Variants in STAG1 observed in about 807,000 individuals in gnomAD.
The protein encoded by STAG1 is STAG1 cohesin complex component.
Under a neutral mutation model 170.9 loss-of-function variants are expected in STAG1, and 26 were observed. That is an observed-to-expected ratio of 0.15 (90% confidence interval 0.11 to 0.21). The LOEUF (loss-of-function observed/expected upper bound fraction) is 0.21. Ranked by LOEUF, STAG1 falls within the 10% of genes least tolerant of loss-of-function variation. The pLI is 1.00. For missense variants in STAG1, 964 were observed against 1,509.5 expected, an observed-to-expected ratio of 0.64 and a Z score of 5.99; for synonymous variants, 514 against 497.7, an observed-to-expected ratio of 1.03 and a Z score of -0.44.
At chr3:136,469,784 G>T (rs2089574002) in intron 12 of STAG1, among the ~76,000 whole-genome samples, 1 of 151,950 alleles carries the variant, frequency 6.6e-6, no homozygotes. Flanking sequence ...TACCAAAACA[G>T]AGATATAGAC....
Position 136,344,682 on chromosome 3 carries a change from C to T in STAG1, c.3272-676G>A, listed in dbSNP as rs556955790. ...GGGCTGGAGTGCAGTGGCGTGATCT[C>T]GGCTCACTGCAACCTCCGCCTCCCA... On this transcript the variant is annotated intron_variant, in intron 29 of 33. Coordinates refer to ENST00000383202, the MANE Select transcript of STAG1 (RefSeq NM_005862.3). 9.9e-5 allele frequency among the ~76,000 whole-genome samples: 15 copies of T among 152,014 alleles called. No individual in the cohort carries two copies. The East Asian group carries it at 2.7e-3, about 28-fold the overall frequency.
chr3:136,548,463 T>C (rs1018274764), intron 5 of STAG1, among the ~76,000 whole-genome samples: 2 of 152,160 alleles, frequency 1.3e-5, no homozygotes, highest in Admixed American at 1.3e-4. Context: ...TTTGGAAGTG[T>C]GGTGCTTCCA....
intron 6 of STAG1, among the ~76,000 whole-genome samples, chr3:136,528,497 C>CT (rs1366684648): frequency 4.5e-5 from 5 of 110,428 alleles, no homozygotes; most frequent in Non-Finnish European, 7.6e-5. Flanking sequence ...TCCCCGCACC[C>CT]CCCCCCCCAA....
rs1345356717 is a variant in STAG1, at chr3:136,752,300, G to C, written c.-189C>G. On this transcript the variant is annotated 5_prime_UTR_variant, in exon 1 of 34. Coordinates refer to ENST00000383202, the MANE Select transcript of STAG1 (RefSeq NM_005862.3). ...GGGGTTGTTACGGGGTGGTCGCCGG[G>C]GGTTCGGGAGCGGGGGCCGCGCCTT... 6.5e-6 allele frequency: 1 copy of C among 152,834 alleles called. No individual in the cohort carries two copies. The highest frequency in any genetic ancestry group is 2.4e-5 in the African/African-American group (1 of 41,544). The allele number at this position is 152,834 out of a possible 1,614,324, so 9.5% of individuals were successfully genotyped here.
chr3:136,624,107 CT>C lies in STAG1; in HGVS notation c.30-860del, dbSNP rs113818295. Among the ~76,000 whole-genome samples, 127 of 146,384 alleles carry C rather than the reference CT, an allele frequency of 8.7e-4. 4 individuals carry two copies. Among genetic ancestry groups the C allele is most frequent in the Middle Eastern group, 3.5e-3 (1 of 282 alleles). ...TTTTGCCCAACTCTTATATTGGAATCTTTTTTTTTTTGAGACAGTCTCACTC... is the reference window on the plus strand; with the variant it reads ...TTTTGCCCAACTCTTATATTGGAATCTTTTTTTTTTGAGACAGTCTCACTC... On this transcript the variant is annotated intron_variant, in intron 2 of 33. Coordinates refer to ENST00000383202, the MANE Select transcript of STAG1 (RefSeq NM_005862.3).
chr3:136,386,016 C>A (rs780082611), intron 22 of STAG1, among the ~76,000 whole-genome samples: 4 of 152,166 alleles, frequency 2.6e-5, no homozygotes, highest in Non-Finnish European at 5.9e-5. Context: ...AGAGAAACCT[C>A]TTTCAACAAA....
chr3:136,732,552 G>A (rs1299615634), intron 1 of STAG1, among the ~76,000 whole-genome samples: 2 of 152,134 alleles, frequency 1.3e-5, no homozygotes, highest in Non-Finnish European at 2.9e-5. Context: ...AGAACACGCT[G>A]GTGATAACCT....
chr3:136,623,381 G>A (rs1348370062), intron 2 of STAG1, 133 bp from the exon 3 acceptor site: 7 of 638,180 alleles, frequency 1.1e-5, no homozygotes, highest in Non-Finnish European at 1.8e-5. Context: ...AAACTCTCTA[G>A]CAAACTAAAA....
At chr3:136,360,038 C>A (rs1936800866) in intron 26 of STAG1, among the ~76,000 whole-genome samples, 1 of 152,056 alleles carries the variant, frequency 6.6e-6, no homozygotes, top group Admixed American at 6.6e-5. Flanking sequence ...ACAAAATATA[C>A]CAAAAAGTTC....
At chr3:136,397,945 T>C (rs2108339603) in intron 22 of STAG1, among the ~76,000 whole-genome samples, 1 of 152,166 alleles carries the variant, frequency 6.6e-6, no homozygotes, top group East Asian at 1.9e-4. Flanking sequence ...TATCTTTCAA[T>C]GATGTTATTC....
At chr3:136,632,951 C>T (rs1398090801) in intron 1 of STAG1, among the ~76,000 whole-genome samples, 1 of 151,968 alleles carries the variant, frequency 6.6e-6, no homozygotes, top group Non-Finnish European at 1.5e-5. Flanking sequence ...GGTTTGACCA[C>T]CAAGATGAAA....
At chr3:136,365,730 T>C (rs1044435225) in intron 25 of STAG1, among the ~76,000 whole-genome samples, 1 of 152,066 alleles carries the variant, frequency 6.6e-6, no homozygotes, top group Admixed American at 6.6e-5. Context: ...GGAAAGTAAA[T>C]GGTCACTGGA....
At chr3:136,453,331 C>T (rs1286865731) in intron 13 of STAG1, among the ~76,000 whole-genome samples, 1 of 152,082 alleles carries the variant, frequency 6.6e-6, no homozygotes. Flanking sequence ...GTGGCTCACG[C>T]CTATAATCCC....
intron 4 of STAG1, among the ~76,000 whole-genome samples, chr3:136,577,069 C>T (rs1937490782): frequency 6.6e-6 from 1 of 152,128 alleles, no homozygotes; most frequent in African/African-American, 2.4e-5. Flanking sequence ...TGATAAAGTA[C>T]CAATTCAAGC....
chr3:136,686,218 G>A (rs1488551308), intron 1 of STAG1, among the ~76,000 whole-genome samples: 2 of 152,170 alleles, frequency 1.3e-5, no homozygotes, highest in African/African-American at 4.8e-5. Context: ...AATTAGTTGG[G>A]TGTCACAGTA....
chr3:136,387,856 T>C (rs2086911698), intron 22 of STAG1, among the ~76,000 whole-genome samples: 2 of 152,116 alleles, frequency 1.3e-5, no homozygotes, highest in African/African-American at 4.8e-5. Context: ...TCCTGTAGTA[T>C]ACAAAGATGA....
chr3:136,361,752 G>A (rs1178794507), intron 26 of STAG1, among the ~76,000 whole-genome samples: 3 of 151,958 alleles, frequency 2.0e-5, no homozygotes, highest in Admixed American at 6.6e-5. Context: ...CTGGGACTAC[G>A]GGGTGCGTGC....
intron 4 of STAG1, among the ~76,000 whole-genome samples, chr3:136,571,647 G>A (rs28641809): frequency 0.18 from 27,272 of 152,050 alleles, 2,932 homozygotes; most frequent in Non-Finnish European, 0.24. Context: ...CAAGGCAGGA[G>A]GATGACTTGA....
At chr3:136,715,729 G>T (rs1163556653) in intron 1 of STAG1, among the ~76,000 whole-genome samples, 1 of 151,478 alleles carries the variant, frequency 6.6e-6, no homozygotes, top group Non-Finnish European at 1.5e-5. Flanking sequence ...GCAAATAAAT[G>T]GGAAAAACCT....
Sources: allele counts gnomAD v4.1 joint callset (sites outside exome capture counted in the v4.1 genomes callset), GRCh38; gene constraint gnomAD v4.1.1; transcripts MANE v1.5; gene names NCBI Gene and HGNC (gene_info 2026-07-23, HGNC 2026-07-21).